The following MKLN1 variants were observed in gnomAD, a reference collection of about 807,000 sequenced individuals.
MKLN1 encodes muskelin.
Under a neutral mutation model 99.0 loss-of-function variants are expected in MKLN1, and 18 were observed. The ratio of observed to expected loss-of-function variants is 0.18; its 90% confidence interval spans 0.13 to 0.27. The LOEUF is 0.27. Among genes scored for constraint, MKLN1 ranks in the 10% least tolerant of loss-of-function variants. The pLI is 1.00. For synonymous variants in MKLN1, 288 were observed against 293.2 expected, an observed-to-expected ratio of 0.98 and a Z score of 0.18; for missense variants, 621 against 875.9, an observed-to-expected ratio of 0.71 and a Z score of 3.67.
intron 3 of MKLN1, among the ~76,000 whole-genome samples, chr7:131,291,100 A>ATTTTATTTT (rs1453191255): frequency 1.8e-5 from 2 of 111,104 alleles, no homozygotes; most frequent in African/African-American, 4.0e-5. Flanking sequence ...ATCTCATTTT[A>ATTTTATTTT]TTTTATTTAT....
At chr7:131,214,803 G>A (rs758475045) in intron 3 of MKLN1, among the ~76,000 whole-genome samples, 3 of 151,998 alleles carry the variant, frequency 2.0e-5, no homozygotes, top group Admixed American at 1.3e-4. Flanking sequence ...ATTAACTTTG[G>A]GAGAACTGAC....
intron 1 of MKLN1, among the ~76,000 whole-genome samples, chr7:131,131,606 A>G (rs986572684): frequency 6.6e-6 from 1 of 152,218 alleles, no homozygotes; most frequent in African/African-American, 2.4e-5. Flanking sequence ...TAATCACCAG[A>G]TAGCTAGTGA....
rs1336185229 is a variant in MKLN1 at position 131,463,415 on chromosome 7, T to C, written c.1673+51T>C. On this transcript the variant is annotated intron_variant, in intron 13 of 17. Transcript: ENST00000352689. ...ATCCCAATGTAATAATTATTTGAGG[T>C]TGTTGGTTTATTCAAAAAAGAGAGA... is the stretch of plus-strand genomic sequence containing the variant. 3.2e-6 allele frequency: 5 copies of C among 1,544,518 alleles called. No homozygotes were observed. In the Admixed American group the frequency reaches 9.5e-5, roughly 29 times the overall value.
In MKLN1 at chr7:131,478,904, A is replaced by G. The variant is rs533303590; in HGVS notation, c.2086+227A>G. 7 of 567,084 alleles carry G rather than the reference A, an allele frequency of 1.2e-5. No individual in the cohort carries two copies. In the East Asian group the frequency reaches 2.1e-4, roughly 17 times the overall value. 35.1% of individuals were successfully genotyped at this position (567,084 alleles called of 1,614,324 possible). On this transcript the variant is annotated intron_variant, in intron 17 of 17. Coordinates refer to ENST00000352689, the MANE Select transcript of MKLN1 (RefSeq NM_013255.5). ...CTATTATACCAATTGCTGTGTTAGT[A>G]TGCAAACAGATAGCAATAGAAACAC... is the stretch of plus-strand genomic sequence containing the variant.
chr7:131,201,380 G>A (rs1427780114), intron 2 of MKLN1, among the ~76,000 whole-genome samples: 3 of 152,164 alleles, frequency 2.0e-5, no homozygotes, highest in South Asian at 4.1e-4. Flanking sequence ...AAGGCATACT[G>A]AGGAAGCACC....
chr7:131,158,617 A>C (rs937646502), intron 2 of MKLN1, among the ~76,000 whole-genome samples: 1 of 152,130 alleles, frequency 6.6e-6, no homozygotes, highest in Admixed American at 6.5e-5. Flanking sequence ...CTGATGCCTA[A>C]AGTCTTACTG....
At position 131,488,860 on chromosome 7, in the gene MKLN1, A is replaced by G. The variant is rs944135217; in HGVS notation, c.*1132A>G. 1 of 152,126 alleles carries G rather than the reference A, an allele frequency of 6.6e-6. No individual in the cohort carries two copies. The highest frequency in any genetic ancestry group is 1.5e-5 in the Non-Finnish European group (1 of 67,992). 9.4% of individuals were successfully genotyped at this position (152,126 alleles called of 1,614,324 possible). ...TGAATGGTTCAGATATTTTTTCATT[A>G]AAAAACAAGGTATGGCAGATGGACT... On this transcript the variant is annotated 3_prime_UTR_variant, in exon 18 of 18. Transcript: ENST00000352689.
chr7:131,473,286 G>A (rs183178564), intron 16 of MKLN1, among the ~76,000 whole-genome samples: 26 of 151,800 alleles, frequency 1.7e-4, no homozygotes, highest in Admixed American at 9.2e-4. Context: ...TTTTTGTTCT[G>A]TTTATATGTT....
chr7:131,170,243 A>G (rs1271896759), intron 2 of MKLN1, among the ~76,000 whole-genome samples: 1 of 152,206 alleles, frequency 6.6e-6, no homozygotes, highest in Admixed American at 6.5e-5. Context: ...TCTCATTTTA[A>G]TGCTCAAAAT....
intron 1 of MKLN1, among the ~76,000 whole-genome samples, chr7:131,134,191 TTA>T (rs1206203923): frequency 1.3e-5 from 2 of 152,288 alleles, no homozygotes; most frequent in African/African-American, 4.8e-5. Flanking sequence ...AAGCCTTATC[TTA>T]TACCTGGTCT....
At chr7:131,286,482 G>T (rs999241790) in intron 3 of MKLN1, among the ~76,000 whole-genome samples, 6 of 152,116 alleles carry the variant, frequency 3.9e-5, no homozygotes, top group Non-Finnish European at 5.9e-5. Flanking sequence ...GTAGGAATGG[G>T]TGTTTCAGAT....
At chr7:131,421,393 GA>G (rs1459653046) in intron 8 of MKLN1, among the ~76,000 whole-genome samples, 10 of 152,078 alleles carry the variant, frequency 6.6e-5, no homozygotes, top group Non-Finnish European at 1.2e-4. Flanking sequence ...ATCTTTGAAA[GA>G]ACCTTTCTAG....
rs1797509317 is a variant in MKLN1, at chr7:131,494,654, A to G, written c.*6926A>G. The stretch of plus-strand genomic sequence containing the variant: ...TCAATTGTAAACAATTTTCTTCCTT[A>G]CTTACAAATCATCCGTTCAGAAAAA... On this transcript the variant is annotated 3_prime_UTR_variant, in exon 18 of 18. Coordinates refer to ENST00000352689, the MANE Select transcript of MKLN1 (RefSeq NM_013255.5). 1 of 152,086 alleles carries G rather than the reference A, an allele frequency of 6.6e-6. No homozygotes were observed. Among genetic ancestry groups the G allele is most frequent in the Non-Finnish European group, 1.5e-5 (1 of 67,994 alleles). The allele number at this position is 152,086 out of a possible 1,614,324, so 9.4% of individuals were successfully genotyped here. A position where few individuals can be genotyped will look rare whatever the true frequency, so the allele number is the denominator to read the frequency against.
chr7:131,347,546 C>A (rs1241778140), intron 1 of MKLN1, among the ~76,000 whole-genome samples: 1 of 152,108 alleles, frequency 6.6e-6, no homozygotes, highest in Admixed American at 6.5e-5. Context: ...ACTCCTGCCC[C>A]CTCTTACTGA....
At chr7:131,389,841 A>G (rs572515572) in intron 4 of MKLN1, among the ~76,000 whole-genome samples, 1 of 151,984 alleles carries the variant, frequency 6.6e-6, no homozygotes, top group South Asian at 2.1e-4. Flanking sequence ...GTGAGCCAAG[A>G]TCATGCCACT....
At position 131,488,778 on chromosome 7, in the gene MKLN1, G is replaced by A. The variant is rs1797351958; in HGVS notation, c.*1050G>A. 1.3e-5 allele frequency: 2 copies of A among 152,066 alleles called. No individual in the cohort carries two copies. Among genetic ancestry groups the A allele is most frequent in the African/African-American group, 4.8e-5 (2 of 41,404 alleles). 9.4% of individuals were successfully genotyped at this position (152,066 alleles called of 1,614,324 possible). On this transcript the variant is annotated 3_prime_UTR_variant, in exon 18 of 18. Coordinates refer to ENST00000352689, the MANE Select transcript of MKLN1 (RefSeq NM_013255.5). ...TTATTTTGAAGAGAAATGGTTTGTG[G>A]TTGTCCAGTGGTATACAACTGACAG...
chr7:131,427,222 A>G (rs1339259353), intron 8 of MKLN1, among the ~76,000 whole-genome samples: 1 of 152,212 alleles, frequency 6.6e-6, no homozygotes, highest in African/African-American at 2.4e-5. Context: ...ATCACTTGAA[A>G]AATTTACTTA....
chr7:131,387,054 G>A (rs1487311705), intron 2 of MKLN1, 66 bp from the exon 3 acceptor site: 1 of 1,435,418 alleles, frequency 7.0e-7, no homozygotes, highest in Non-Finnish European at 9.4e-7. Flanking sequence ...ACTGGCAATA[G>A]TTTTAAAGTT....
At chr7:131,299,113 A>G (rs902396292) in intron 3 of MKLN1, among the ~76,000 whole-genome samples, 1 of 152,194 alleles carries the variant, frequency 6.6e-6, no homozygotes, top group Non-Finnish European at 1.5e-5. Flanking sequence ...ACACACAGGG[A>G]TCATTATTGT....
Sources: allele counts gnomAD v4.1 joint callset (sites outside exome capture counted in the v4.1 genomes callset), GRCh38; gene constraint gnomAD v4.1.1; transcripts MANE v1.5; gene names NCBI Gene and HGNC (gene_info 2026-07-23, HGNC 2026-07-21).